The following PTPRD variants were observed in gnomAD, a reference collection of about 807,000 sequenced individuals.
PTPRD encodes the protein protein tyrosine phosphatase receptor type D.
Under a neutral mutation model 214.5 loss-of-function variants are expected in PTPRD, and 34 were observed. The observed-to-expected ratio is 0.16, with a 90% CI of 0.12 to 0.21. PTPRD has a LOEUF of 0.21. Among genes scored for constraint, PTPRD ranks in the 10% least tolerant of loss-of-function variants. PTPRD has a pLI of 1.00. For missense variants in PTPRD, 2,545 were observed against 2,398.7 expected (o/e 1.06, Z -1.27); for synonymous variants, 1,128 against 845.7 (o/e 1.33, Z -5.79).
At chr9:9,201,649 G>A (rs1393393198) in intron 9 of PTPRD, among the ~76,000 whole-genome samples, 1 of 152,062 alleles carries the variant, frequency 6.6e-6, no homozygotes, top group Non-Finnish European at 1.5e-5. Flanking sequence ...ATATCTTACT[G>A]ATAAAAATAA....
intron 3 of PTPRD, among the ~76,000 whole-genome samples, chr9:10,154,332 A>C (rs2099080514): frequency 6.6e-6 from 1 of 151,944 alleles, no homozygotes; most frequent in African/African-American, 2.4e-5. Flanking sequence ...TCTACTTGTA[A>C]ATTTGTTTAA....
chr9:9,043,587 G>A (rs1033861694), intron 10 of PTPRD, among the ~76,000 whole-genome samples: 2 of 152,092 alleles, frequency 1.3e-5, no homozygotes, highest in South Asian at 4.1e-4. Flanking sequence ...GAATGCCTTA[G>A]AAAATGAAAG....
At chr9:9,719,416 C>T (rs2097894828) in intron 7 of PTPRD, among the ~76,000 whole-genome samples, 2 of 152,116 alleles carry the variant, frequency 1.3e-5, no homozygotes, top group Non-Finnish European at 2.9e-5. Context: ...TGCTCCTGGA[C>T]CACAGGATTG....
intron 39 of PTPRD, among the ~76,000 whole-genome samples, chr9:8,352,513 G>A (rs1288341989): frequency 6.6e-6 from 1 of 152,164 alleles, no homozygotes; most frequent in African/African-American, 2.4e-5. Flanking sequence ...CCATTTACCA[G>A]GCCTGCCAAG....
At chr9:8,500,558 G>GAAAAAAAA in intron 24 of PTPRD, among the ~76,000 whole-genome samples, 196 bp downstream of exon 24, 152 of 14,322 alleles carry the variant, frequency 0.011, 55 homozygotes, top group African/African-American at 0.024. Flanking sequence ...TGAAAAAAAT[G>GAAAAAAAA]AAAAAAAAAA....
chr9:8,598,041 C>T (rs900957637), intron 14 of PTPRD, among the ~76,000 whole-genome samples: 10 of 152,074 alleles, frequency 6.6e-5, no homozygotes, highest in Non-Finnish European at 1.3e-4. Flanking sequence ...TATCCCCTTA[C>T]TAGTTAGAGA....
chr9:8,675,515 A>C, intron 12 of PTPRD, among the ~76,000 whole-genome samples: 1 of 118,318 alleles, frequency 8.5e-6, no homozygotes, highest in Non-Finnish European at 1.7e-5. Flanking sequence ...ACACATATGC[A>C]CACATACACA....
intron 7 of PTPRD, among the ~76,000 whole-genome samples, chr9:9,717,071 C>A (rs2097848375): frequency 6.6e-6 from 1 of 152,054 alleles, no homozygotes; most frequent in African/African-American, 2.4e-5. Flanking sequence ...CTCCATATGG[C>A]TAGCCAGTTT....
intron 11 of PTPRD, among the ~76,000 whole-genome samples, chr9:8,948,896 T>C (rs1018816573): frequency 6.6e-6 from 1 of 151,762 alleles, no homozygotes. Flanking sequence ...TCCCAGTTAT[T>C]TTTTTCTCAG....
At chr9:9,302,847 C>T (rs13283600) in intron 9 of PTPRD, among the ~76,000 whole-genome samples, 1 of 151,720 alleles carries the variant, frequency 6.6e-6, no homozygotes, top group African/African-American at 2.4e-5. Context: ...TTTAAAACCA[C>T]CCGTAGTTTC....
intron 14 of PTPRD, among the ~76,000 whole-genome samples, chr9:8,584,531 T>C (rs1594563367): frequency 6.6e-6 from 1 of 152,202 alleles, no homozygotes; most frequent in East Asian, 1.9e-4. Context: ...CATTCTGGTA[T>C]TCAGCAAAAA....
intron 3 of PTPRD, among the ~76,000 whole-genome samples, chr9:10,052,136 T>C (rs962769776): frequency 6.6e-6 from 1 of 152,016 alleles, no homozygotes; most frequent in African/African-American, 2.4e-5. Flanking sequence ...TAGTGACAGA[T>C]TTTCACCATG....
At chr9:9,192,037 T>C (rs1353605690) in intron 9 of PTPRD, among the ~76,000 whole-genome samples, 1 of 152,004 alleles carries the variant, frequency 6.6e-6, no homozygotes, top group Non-Finnish European at 1.5e-5. Flanking sequence ...GAAAAATTTA[T>C]CAAAATATGA....
In PTPRD at chr9:8,654,481, T is replaced by C. The variant is rs79217056; in HGVS notation, c.65-17637A>G. Among the ~76,000 whole-genome samples, 1,255 of 152,258 alleles carry C rather than the reference T, an allele frequency of 8.2e-3. 10 individuals carry two copies. The highest frequency in any genetic ancestry group is 0.031 in the Middle Eastern group (9 of 294). On this transcript the variant is annotated intron_variant, in intron 12 of 45. Transcript: ENST00000381196. ...GATTTAAGCATATACCCTGTACATA[T>C]GAGCATATTTGGTTAAAGCCAAAAT...
intron 9 of PTPRD, among the ~76,000 whole-genome samples, chr9:9,207,130 A>C (rs577083152): frequency 2.0e-5 from 3 of 152,176 alleles, no homozygotes; most frequent in Non-Finnish European, 4.4e-5. Flanking sequence ...CAAGAAGTCA[A>C]GTTTGACTCT....
At chr9:9,975,330 A>G (rs1327265810) in intron 4 of PTPRD, among the ~76,000 whole-genome samples, 2 of 152,190 alleles carry the variant, frequency 1.3e-5, no homozygotes, top group Admixed American at 1.3e-4. Context: ...ATAAATACTT[A>G]ACTGTGGTTC....
chr9:9,655,216 C>T (rs1160982817), intron 7 of PTPRD, among the ~76,000 whole-genome samples: 1 of 152,052 alleles, frequency 6.6e-6, no homozygotes, highest in Non-Finnish European at 1.5e-5. Flanking sequence ...TGATAAAAAA[C>T]TGTTATCCAA....
intron 12 of PTPRD, among the ~76,000 whole-genome samples, chr9:8,710,612 T>C (rs1233827838): frequency 1.3e-5 from 2 of 152,046 alleles, no homozygotes; most frequent in Non-Finnish European, 2.9e-5. Flanking sequence ...TGAGACCTTG[T>C]CTCAAAAAAT....
At chr9:10,253,031 G>A (rs2092928155) in intron 3 of PTPRD, among the ~76,000 whole-genome samples, 1 of 152,128 alleles carries the variant, frequency 6.6e-6, no homozygotes, top group Non-Finnish European at 1.5e-5. Flanking sequence ...TGATCCGTCT[G>A]CCTTGGCCTC....
Sources: gnomAD v4.1 joint callset for allele counts (sites outside exome capture counted in the v4.1 genomes callset) on GRCh38, gnomAD v4.1.1 for gene constraint, MANE v1.5 for transcripts, NCBI Gene and HGNC (gene_info 2026-07-23, HGNC 2026-07-21) for gene names.